FBXL13: variants seen among roughly 807,000 people sequenced by gnomAD.
FBXL13 encodes F-box and leucine rich repeat protein 13, also known as F-box and leucine-rich repeat protein 13.
A neutral mutation model predicts 83.6 loss-of-function variants in FBXL13; 67 were observed. The observed-to-expected ratio is 0.80, with a 90% CI of 0.66 to 0.98. FBXL13 has a LOEUF of 0.98. Ranked by LOEUF, FBXL13 falls within the 50% of genes least tolerant of loss-of-function variation. The pLI, the probability that FBXL13 is intolerant of heterozygous loss-of-function variation, is 0.00. For synonymous variants in FBXL13, 272 were observed against 299.5 expected, an observed-to-expected ratio of 0.91 and a Z score of 0.95; for missense variants, 822 against 866.5, an observed-to-expected ratio of 0.95 and a Z score of 0.64.
chr7:103,018,958 C>G (rs1792756469), intron 6 of FBXL13, among the ~76,000 whole-genome samples: 1 of 152,154 alleles, frequency 6.6e-6, no homozygotes, highest in Non-Finnish European at 1.5e-5. Context: ...GAACTCAGCT[C>G]TGCACCAAGC....
intron 6 of FBXL13, among the ~76,000 whole-genome samples, chr7:103,017,280 A>G (rs1464537407): frequency 6.6e-6 from 1 of 150,920 alleles, no homozygotes; most frequent in African/African-American, 2.5e-5. Flanking sequence ...TGTCAGAAGG[A>G]AAATTAACAA....
chr7:102,904,818 T>C (rs1164819460), intron 11 of FBXL13, among the ~76,000 whole-genome samples: 2 of 152,192 alleles, frequency 1.3e-5, no homozygotes, highest in African/African-American at 4.8e-5. Context: ...GTTTCCATTA[T>C]CATTTGTTTC....
intron 6 of FBXL13, among the ~76,000 whole-genome samples, chr7:102,979,193 T>TGGAC (rs1827881021): frequency 1.3e-5 from 2 of 152,160 alleles, no homozygotes; most frequent in Non-Finnish European, 2.9e-5. Flanking sequence ...GAAAGTCAAA[T>TGGAC]GGTCACAGCC....
chr7:102,951,801 T>A (rs1409135766), intron 8 of FBXL13, among the ~76,000 whole-genome samples: 6 of 68,384 alleles, frequency 8.8e-5, no homozygotes, highest in Non-Finnish European at 1.7e-4. Flanking sequence ...TGAAACTCTC[T>A]CTCCAAAAAA....
intron 19 of FBXL13, among the ~76,000 whole-genome samples, chr7:102,816,859 T>G (rs1006804337): frequency 8.5e-5 from 13 of 152,240 alleles, no homozygotes; most frequent in African/African-American, 3.1e-4. Flanking sequence ...ACATGCAGTA[T>G]TTGGTTTTCT....
In FBXL13 at chr7:102,851,553, TTCTC is replaced by T. The variant is rs10602252; in HGVS notation, c.1719+3220_1719+3223del. ...CTCCTCCTCTTCCTTTTCCTTCTTC[TTCTC>T]TCTCTCTCTCTCTCTTTCTCTTTCT... On this transcript the variant is annotated intron_variant, in intron 17 of 19. Coordinates refer to ENST00000313221, the Ensembl canonical transcript of FBXL13. 0.014 allele frequency among the ~76,000 whole-genome samples: 2,008 copies of T among 143,540 alleles called. 103 individuals carry two copies. The East Asian group carries it at 0.16, about 12-fold the overall frequency. The allele number at this position is 143,540 out of a possible 152,430, so 94.2% of individuals were successfully genotyped here. A position where few individuals can be genotyped will look rare whatever the true frequency, so the allele number is the denominator to read the frequency against.
chr7:102,854,144 G>A (rs1221789290), intron 17 of FBXL13, among the ~76,000 whole-genome samples: 4 of 152,002 alleles, frequency 2.6e-5, no homozygotes, highest in Non-Finnish European at 5.9e-5. Context: ...ATGATAGACT[G>A]GATTAAGAAA....
chr7:102,923,198 T>G (rs1817424536), intron 10 of FBXL13, among the ~76,000 whole-genome samples: 1 of 152,220 alleles, frequency 6.6e-6, no homozygotes, highest in African/African-American at 2.4e-5. Context: ...TTGTGCTATT[T>G]CACAATGTCG....
intron 9 of FBXL13, among the ~76,000 whole-genome samples, chr7:102,929,903 T>C (rs1818864604): frequency 6.6e-6 from 1 of 151,832 alleles, no homozygotes; most frequent in Non-Finnish European, 1.5e-5. Flanking sequence ...AATATAAATA[T>C]AAATTTATTA....
At chr7:102,869,069 A>G (rs1482393089) in intron 16 of FBXL13, among the ~76,000 whole-genome samples, 1 of 152,202 alleles carries the variant, frequency 6.6e-6, no homozygotes. Context: ...GTTTTCCATA[A>G]TGGCTGTACT....
At position 102,876,252 on chromosome 7, in the gene FBXL13, A is replaced by T. The variant is rs76783223; in HGVS notation, c.1635+1215T>A. On this transcript the variant is annotated intron_variant, in intron 16 of 19. Transcript: ENST00000313221. ...CTTGGAGTTGGAACAAGGAAGAGAC[A>T]TCAGGGATCCACCTGGACGGGAAAC... Among the ~76,000 whole-genome samples, 568 of 152,314 alleles carry T rather than the reference A, an allele frequency of 3.7e-3. 5 individuals are homozygous for T. The highest frequency in any genetic ancestry group is 0.013 in the African/African-American group (561 of 41,566).
intron 16 of FBXL13, among the ~76,000 whole-genome samples, chr7:102,858,512 A>C (rs1210144801): frequency 2.0e-5 from 3 of 152,228 alleles, no homozygotes; most frequent in Non-Finnish European, 2.9e-5. Flanking sequence ...ATCATTACAC[A>C]TAAGGAAATA....
chr7:103,059,938 G>A (rs1341615148), intron 1 of FBXL13, among the ~76,000 whole-genome samples: 1 of 146,798 alleles, frequency 6.8e-6, no homozygotes, highest in African/African-American at 2.5e-5. Flanking sequence ...ATACGCTATA[G>A]GGCTATCATG....
chr7:102,976,314 A>G (rs1471352604), intron 6 of FBXL13: 1 of 649,104 alleles, frequency 1.5e-6, no homozygotes, highest in Non-Finnish European at 2.8e-6. Context: ...AGTCCTCCCA[A>G]GTCTCTATTG....
intron 6 of FBXL13, among the ~76,000 whole-genome samples, chr7:102,986,904 T>C (rs574298886): frequency 1.8e-4 from 23 of 126,738 alleles, no homozygotes; most frequent in Admixed American, 2.7e-4. Context: ...AATGAGTAGA[T>C]AAAGAAAATG....
intron 17 of FBXL13, among the ~76,000 whole-genome samples, chr7:102,844,394 T>C (rs1278024571): frequency 6.6e-6 from 1 of 152,038 alleles, no homozygotes; most frequent in Non-Finnish European, 1.5e-5. Flanking sequence ...AAGAGAACAA[T>C]ACATCCTTCA....
At chr7:102,896,188 C>A (rs2129462622) in intron 11 of FBXL13, among the ~76,000 whole-genome samples, 2 of 152,270 alleles carry the variant, frequency 1.3e-5, no homozygotes, top group East Asian at 3.9e-4. Context: ...CCTTCCAAGG[C>A]TTTTCTTTTA....
At chr7:102,844,538 G>A (rs1474077224) in intron 17 of FBXL13, among the ~76,000 whole-genome samples, 1 of 152,156 alleles carries the variant, frequency 6.6e-6, no homozygotes, top group Admixed American at 6.5e-5. Context: ...GGTGAAGAGA[G>A]CTTAGAGGAA....
At chr7:102,854,717 A>G (rs985112573) in intron 17 of FBXL13, 60 bp downstream of exon 18, 12 of 1,100,338 alleles carry the variant, frequency 1.1e-5, no homozygotes, top group Non-Finnish European at 1.4e-5. Context: ...CATTGGAAAA[A>G]AAAGAAAAAA....
Sources: gnomAD v4.1 joint callset for allele counts (sites outside exome capture counted in the v4.1 genomes callset) on GRCh38, gnomAD v4.1.1 for gene constraint, MANE v1.5 for transcripts, NCBI Gene and HGNC (gene_info 2026-07-23, HGNC 2026-07-21) for gene names.